Variants in BTBD3 observed in about 807,000 individuals in gnomAD.
The protein encoded by BTBD3 is BTB domain containing 3, also known as BTB/POZ domain-containing protein 3.
A neutral mutation model predicts 41.6 loss-of-function variants in BTBD3; 14 were observed. That is an observed-to-expected ratio of 0.34 (90% confidence interval 0.22 to 0.53). BTBD3 has a LOEUF of 0.53. Ranked by LOEUF, BTBD3 falls within the 20% of genes least tolerant of loss-of-function variation. The pLI is 0.95. For missense variants in BTBD3, 426 were observed against 654.7 expected (o/e 0.65, Z 3.81); for synonymous variants, 249 against 233.7 (o/e 1.07, Z -0.60).
chr20:11,916,767 A>G (rs6109184), upstream of BTBD3, among the ~76,000 whole-genome samples: 108,718 of 152,120 alleles, frequency 0.71, 39,250 homozygotes, highest in Non-Finnish European at 0.76. Flanking sequence ...CATTTGCCTG[A>G]GGGGTAGCAA....
chr20:11,892,018 A>G (rs2056757810), intron 1 of BTBD3, among the ~76,000 whole-genome samples: 1 of 152,190 alleles, frequency 6.6e-6, no homozygotes. Context: ...GTTTGGAAAC[A>G]CTGGTTTAAT....
At chr20:11,890,961 G>T in intron 1 of BTBD3, 1 of 983,410 alleles carries the variant, frequency 1.0e-6, no homozygotes, top group Non-Finnish European at 1.2e-6. Flanking sequence ...GGCGGTGAGT[G>T]AGGGCGCCGC....
intron 1 of BTBD3, among the ~76,000 whole-genome samples, chr20:11,902,785 T>C (rs1459987908): frequency 2.6e-5 from 4 of 152,254 alleles, no homozygotes; most frequent in Non-Finnish European, 5.9e-5. Flanking sequence ...ATACAGTCAG[T>C]ATGTGTTTGT....
upstream of BTBD3, chr20:11,917,823 A>G (rs958167760): frequency 1.5e-6 from 1 of 664,390 alleles, no homozygotes. Context: ...GACTTCAGCT[A>G]TTGGCTCGGA....
At chr20:11,900,664 T>C (rs2056818302) in intron 1 of BTBD3, among the ~76,000 whole-genome samples, 1 of 151,802 alleles carries the variant, frequency 6.6e-6, no homozygotes. Context: ...CCTTTGTTCA[T>C]GGAGAATGTA....
At chr20:11,919,643 T>A in intron 2 of BTBD3, 75 bp from the exon 3 acceptor site, 1 of 1,435,700 alleles carries the variant, frequency 7.0e-7, no homozygotes, top group Non-Finnish European at 9.8e-7. Context: ...GATTGCCTAG[T>A]GTTGTTTTTC....
exon 1 of BTBD3, chr20:11,890,877 C>G (rs1181852498): frequency 2.0e-6 from 2 of 984,940 alleles, no homozygotes; most frequent in African/African-American, 1.7e-5. Context: ...TCCGAGTGCC[C>G]CGGCCGGGGC....
intron 1 of BTBD3, among the ~76,000 whole-genome samples, chr20:11,906,956 T>C (rs1292831378): frequency 6.6e-6 from 1 of 152,208 alleles, no homozygotes; most frequent in Non-Finnish European, 1.5e-5. Context: ...GGATTATTCA[T>C]GTGACTGCTT....
intron 1 of BTBD3, among the ~76,000 whole-genome samples, chr20:11,905,369 T>G (rs2056847215): frequency 6.6e-6 from 1 of 152,028 alleles, no homozygotes; most frequent in South Asian, 2.1e-4. Flanking sequence ...TCTATTTCAA[T>G]TTGACCAGAA....
rs2056982541 is a variant in BTBD3, at chr20:11,922,817, G to GA, written c.721dup (p.Thr241AsnfsTer9). The GA allele has an allele frequency of 6.2e-7, 1 of 1,614,098 alleles. No individual in the cohort carries two copies. The highest frequency in any genetic ancestry group is 1.3e-5 in the African/African-American group (1 of 74,938). On this transcript the variant is annotated frameshift_variant, in exon 4 of 4. Transcript: ENST00000378226. LOFTEE classifies it high-confidence loss of function. ...GCTGCCTGTTCGAGGAGCCAGACCTGACCCAGCGTTGCTGGGAGGTGATTG... is the reference window on the plus strand; with the variant it reads ...GCTGCCTGTTCGAGGAGCCAGACCTGAACCCAGCGTTGCTGGGAGGTGATTG...
intron 1 of BTBD3, among the ~76,000 whole-genome samples, chr20:11,901,303 G>A (rs964599557): frequency 2.0e-5 from 3 of 152,144 alleles, no homozygotes; most frequent in African/African-American, 7.2e-5. Context: ...TCTTCCTGTG[G>A]TTTTTTTGTT....
At chr20:11,921,948 A>G (rs2056973166) in intron 3 of BTBD3, among the ~76,000 whole-genome samples, 1 of 152,244 alleles carries the variant, frequency 6.6e-6, no homozygotes, top group Admixed American at 6.5e-5. Flanking sequence ...AAGCACAGGA[A>G]TAATACATAT....
At position 11,922,883 on chromosome 20, in the gene BTBD3, C is replaced by T. The variant is rs55860534; in HGVS notation, c.786C>T (p.Cys262=). 645 of 1,614,196 alleles carry T rather than the reference C, an allele frequency of 4.0e-4. 2 individuals carry two copies. The highest frequency in any genetic ancestry group is 4.9e-4 in the Middle Eastern group (3 of 6,062). Residue 262 remains cysteine, a synonymous_variant, in exon 4 of 4, where the codon TGC becomes TGT. Transcript: ENST00000378226. ...TAGCTCTCAAGTCTGAGGGATTCTG[C>T]GATATTGACTTCCAGACACTAGAAA... ...AELALKSEGF[C]DIDFQTLESI... is the part of the protein sequence containing the mutation.
intron 1 of BTBD3, among the ~76,000 whole-genome samples, chr20:11,907,082 A>G (rs1261455945): frequency 6.6e-6 from 1 of 152,178 alleles, no homozygotes; most frequent in Admixed American, 6.5e-5. Context: ...AGGCCGGTTG[A>G]TAAAGGCAGC....
chr20:11,919,133 TG>T lies in BTBD3; in HGVS notation c.376del (p.Val126LeufsTer17). 6.2e-7 allele frequency: 1 copy of T among 1,613,904 alleles called. No homozygotes were observed. The highest frequency in any genetic ancestry group is 8.5e-7 in the Non-Finnish European group (1 of 1,179,868). Reference sequence around the variant, plus strand: ...GATTTGATGGCAGATGTACATTTTGTGGTTGGGCCACCAGGTGGGACTCAAC... The same window carrying T: ...GATTTGATGGCAGATGTACATTTTGTGTTGGGCCACCAGGTGGGACTCAAC... ...NNDLMADVHFVVGPPGGTQRL... is the reference protein window; with the variant it reads ...NNDLMADVHFXVGPPGGTQRL... On this transcript the variant is annotated frameshift_variant, in exon 2 of 4. Transcript: ENST00000378226. LOFTEE classifies it high-confidence loss of function.
intron 1 of BTBD3, among the ~76,000 whole-genome samples, chr20:11,898,003 C>T (rs539669238): frequency 2.3e-4 from 35 of 152,104 alleles, no homozygotes; most frequent in African/African-American, 8.0e-4. Context: ...ACTAAAAATA[C>T]AAAAATTAGC....
intron 1 of BTBD3, chr20:11,909,644 C>T (rs573070001): frequency 2.3e-4 from 35 of 152,074 alleles, no homozygotes; most frequent in African/African-American, 7.5e-4. Flanking sequence ...TCATTCTGGT[C>T]GCATACATTG....
At chr20:11,894,455 A>G (rs1348732556) in intron 1 of BTBD3, among the ~76,000 whole-genome samples, 1 of 152,168 alleles carries the variant, frequency 6.6e-6, no homozygotes, top group Non-Finnish European at 1.5e-5. Flanking sequence ...TGATTTTTCT[A>G]TAAAAATATG....
At chr20:11,921,021 A>G (rs1394914869) in intron 3 of BTBD3, among the ~76,000 whole-genome samples, 1 of 152,210 alleles carries the variant, frequency 6.6e-6, no homozygotes, top group Non-Finnish European at 1.5e-5. Flanking sequence ...CTAATCTGCT[A>G]CTTTTAACCT....
Sources: allele counts gnomAD v4.1 joint callset (sites outside exome capture counted in the v4.1 genomes callset), GRCh38; gene constraint gnomAD v4.1.1; transcripts MANE v1.5; gene names NCBI Gene and HGNC (gene_info 2026-07-23, HGNC 2026-07-21).